PRPF8: variants seen among roughly 807,000 people sequenced by gnomAD.
The protein encoded by PRPF8 is pre-mRNA-processing-splicing factor 8.
A neutral mutation model predicts 285.9 loss-of-function variants in PRPF8; 64 were observed. The ratio of observed to expected loss-of-function variants is 0.22; its 90% confidence interval spans 0.18 to 0.28. The LOEUF is 0.28. Among genes scored for constraint, PRPF8 ranks in the 10% least tolerant of loss-of-function variants. The pLI is 1.00. For synonymous variants in PRPF8, 1,325 were observed against 1,118.2 expected (o/e 1.18, Z -3.69); for missense variants, 1,426 against 3,026.7 (o/e 0.47, Z 12.41).
intron 30 of PRPF8, 95 bp from the exon 31 acceptor site, chr17:1,660,096 C>T (rs1911598121): frequency 7.2e-7 from 1 of 1,384,612 alleles, no homozygotes; most frequent in East Asian, 2.3e-5. Context: ...GGAGTCTCAT[C>T]CTCAGAGCTT....
At chr17:1,680,579 T>C (rs928002930) in intron 8 of PRPF8, 147 bp downstream of exon 8, 13 of 766,612 alleles carry the variant, frequency 1.7e-5, no homozygotes, top group Non-Finnish European at 3.0e-5. Context: ...AAGCAAATGC[T>C]GAATTCTCAT....
At chr17:1,656,797 C>T (rs561708793) in intron 34 of PRPF8, 36 bp from the exon 35 acceptor site, 3 of 1,551,920 alleles carry the variant, frequency 1.9e-6, no homozygotes, top group South Asian at 2.3e-5. Flanking sequence ...GAAATTTAGT[C>T]TCTACCCTCC....
intron 24 of PRPF8, among the ~76,000 whole-genome samples, chr17:1,665,703 G>A (rs921152687): frequency 1.5e-4 from 23 of 151,672 alleles, no homozygotes; most frequent in African/African-American, 3.6e-4. Flanking sequence ...AAAATTAGCC[G>A]GGTGCGGTGG....
chr17:1,665,926 C>T (rs185211625), intron 24 of PRPF8, among the ~76,000 whole-genome samples: 2 of 151,158 alleles, frequency 1.3e-5, no homozygotes, highest in East Asian at 2.0e-4. Flanking sequence ...TTTGGGAGGC[C>T]GAGGCAAGCT....
At position 1,662,080 on chromosome 17, in the gene PRPF8, T is replaced by A. The variant is rs1348915026; in HGVS notation, c.3848A>T (p.Glu1283Val). 1 of 1,614,146 alleles carries A rather than the reference T, an allele frequency of 6.2e-7. No individual in the cohort carries two copies. Among genetic ancestry groups the A allele is most frequent in the Admixed American group, 1.7e-5 (1 of 60,006 alleles). Residue 1283 changes from glutamate to valine, a missense_variant, in exon 25 of 43, where the codon GAG becomes GTG. Coordinates refer to ENST00000304992, the MANE Select transcript of PRPF8 (RefSeq NM_006445.4). ...YFREAVVNTQ[E>V]LLDLLVKCEN... is the part of the protein sequence containing the mutation. ...ACACTTCACCAGTAAGTCCAAGAGC[T>A]CTTGGGTGTTCACCACAGCCTCCCG...
In PRPF8 at chr17:1,659,779, G is replaced by C. The variant is rs576511380; in HGVS notation, c.4946+62C>G. 19 of 1,581,268 alleles carry C rather than the reference G, an allele frequency of 1.2e-5. No individual in the cohort carries two copies. The South Asian group carries it at 2.1e-4, about 18-fold the overall frequency. ...ACAGGACAATTCCTAAAGTTGCAGG[G>C]CTAGAAGAACAGGAAAACGAAAGTG... On this transcript the variant is annotated intron_variant, in intron 31 of 42. Coordinates refer to ENST00000304992, the MANE Select transcript of PRPF8 (RefSeq NM_006445.4). The surrounding 1 kb of genome is among the most constrained non-coding windows in gnomAD (Gnocchi z 5.1).
Position 1,651,845 on chromosome 17 carries a change from G to C in PRPF8, c.6370-57C>G. On this transcript the variant is annotated intron_variant, in intron 39 of 42. Transcript: ENST00000304992. This position sits in a 1 kb window ranked among gnomAD's most constrained non-coding sequence, Gnocchi z 5.1. The stretch of plus-strand genomic sequence containing the variant: ...TTCTTAGTACCAGGTCAGAGTTGGA[G>C]CTGCCAGCCCTCTGTTTCCTTCCTT... 1 of 1,588,514 alleles carries C rather than the reference G, an allele frequency of 6.3e-7. No individual in the cohort carries two copies. Among genetic ancestry groups the C allele is most frequent in the South Asian group, 1.1e-5 (1 of 90,490 alleles).
intron 24 of PRPF8, among the ~76,000 whole-genome samples, chr17:1,663,634 G>A (rs1484314752): frequency 6.7e-6 from 1 of 149,338 alleles, no homozygotes; most frequent in African/African-American, 2.5e-5. Context: ...GCTTGAACTC[G>A]GGAGGCAGAG....
chr17:1,658,357 T>A lies in PRPF8; in HGVS notation c.5401A>T (p.Lys1801Ter). The A allele has an allele frequency of 6.2e-7, 1 of 1,614,156 alleles. No individual in the cohort carries two copies. Among genetic ancestry groups the A allele is most frequent in the East Asian group, 2.2e-5 (1 of 44,878 alleles). The change falls in exon 34 of 43, where the codon AAG (lysine) becomes TAG (stop). Residue 1801 changes from lysine (K) to a stop codon, truncating the protein, a stop_gained. Transcript: ENST00000304992. LOFTEE classifies it high-confidence loss of function. This position sits in a 1 kb window ranked among gnomAD's most constrained non-coding sequence, Gnocchi z 4.1. Reference sequence around the variant, plus strand: ...ATGAAGATGGCTCCGTTGATGGGCTTGGTTGTCAAGTTCCCTTCAAAGGTC... The same window carrying A: ...ATGAAGATGGCTCCGTTGATGGGCTAGGTTGTCAAGTTCCCTTCAAAGGTC... ...HKTFEGNLTTKPINGAIFIFN... is the reference protein window; with the variant it reads ...HKTFEGNLTT
chr17:1,669,567 T>G (rs546799383), intron 24 of PRPF8, among the ~76,000 whole-genome samples: 1 of 152,350 alleles, frequency 6.6e-6, no homozygotes, highest in Non-Finnish European at 1.5e-5. Flanking sequence ...TTGTCCTTGC[T>G]GTCTCCACTC....
At chr17:1,682,558 G>A (rs149443345) in intron 3 of PRPF8, among the ~76,000 whole-genome samples, 134 of 152,154 alleles carry the variant, frequency 8.8e-4, no homozygotes, top group African/African-American at 3.1e-3. Flanking sequence ...ACAGCTTTGC[G>A]GCTCTCTCAC....
rs765260770 is a variant in PRPF8 at position 1,682,086 on chromosome 17, C to T, written c.434+43G>A. The T allele has an allele frequency of 3.4e-6, 5 of 1,481,550 alleles. No individual in the cohort carries two copies. The East Asian group carries it at 9.0e-5, about 27-fold the overall frequency. 91.8% of individuals were successfully genotyped at this position (1,481,550 alleles called of 1,614,324 possible). On this transcript the variant is annotated intron_variant, in intron 4 of 42. Transcript: ENST00000304992. ...ACCATTTCTACCCACTGCCTCCCAA[C>T]CACCACCACCACCACCACCCACCAT... is the stretch of plus-strand genomic sequence containing the variant.
At chr17:1,655,154 C>T (rs1220990646) in intron 37 of PRPF8, among the ~76,000 whole-genome samples, 196 bp downstream of exon 37, 2 of 150,688 alleles carry the variant, frequency 1.3e-5, no homozygotes, top group African/African-American at 2.4e-5. Flanking sequence ...GACGGAGTTT[C>T]ACCACGTTGG....
chr17:1,659,783 G>C lies in PRPF8; in HGVS notation c.4946+58C>G. On this transcript the variant is annotated intron_variant, in intron 31 of 42. Coordinates refer to ENST00000304992, the MANE Select transcript of PRPF8 (RefSeq NM_006445.4). The surrounding 1 kb of genome is among the most constrained non-coding windows in gnomAD (Gnocchi z 5.1). ...GACAATTCCTAAAGTTGCAGGGCTAGAAGAACAGGAAAACGAAAGTGTCCT... is the reference window on the plus strand; with the variant it reads ...GACAATTCCTAAAGTTGCAGGGCTACAAGAACAGGAAAACGAAAGTGTCCT... 3 of 1,588,800 alleles carry C rather than the reference G, an allele frequency of 1.9e-6. No individual in the cohort carries two copies. The highest frequency in any genetic ancestry group is 2.2e-5 in the South Asian group (2 of 90,228).
At position 1,676,695 on chromosome 17, in the gene PRPF8, G is replaced by A. The variant is rs771458093; in HGVS notation, c.2198C>T (p.Thr733Met). ...TCGAAGGATCATATTCTCTATGGGC[G>A]TCGGCAGCCCAGGGACCTAAAAGTC... The part of the protein sequence containing the change: ...NIPWKVPGLP[T>M]PIENMILRYV... The change falls in exon 16 of 43, where the codon ACG (threonine) becomes ATG (methionine). Residue 733 changes from threonine to methionine, a missense_variant. This residue lies in a region of PRPF8 where 30 missense variants were observed against 61.0 expected (regional missense o/e 0.49). Transcript: ENST00000304992. The surrounding 1 kb of genome is among the most constrained non-coding windows in gnomAD (Gnocchi z 6.3). 1.2e-5 allele frequency: 19 copies of A among 1,613,930 alleles called. No individual in the cohort carries two copies. The highest frequency in any genetic ancestry group is 9.9e-5 in the South Asian group (9 of 91,090).
At chr17:1,681,395 G>A (rs1912914808) in intron 6 of PRPF8, 83 bp downstream of exon 6, 1 of 1,418,752 alleles carries the variant, frequency 7.0e-7, no homozygotes, top group Non-Finnish European at 1.0e-6. Context: ...AGACTAATTT[G>A]GAAGTTATAT....
chr17:1,674,452 T>C lies in PRPF8; in HGVS notation c.3289A>G (p.Ile1097Val). 6.2e-7 allele frequency: 1 copy of C among 1,613,926 alleles called. No individual in the cohort carries two copies. Among genetic ancestry groups the C allele is most frequent in the Non-Finnish European group, 8.5e-7 (1 of 1,179,948 alleles). Residue 1097 changes from isoleucine to valine, a missense_variant, in exon 21 of 43, where the codon ATT becomes GTT. Ile to Val is a conservative substitution (Grantham distance 29, BLOSUM62 3). Around this residue, in one of 34 missense-constraint regions of PRPF8, gnomAD observed 148 missense variants for 196.2 expected, o/e 0.75. Transcript: ENST00000304992. ...CAGGAAAGCCCTCACCTGAAAAAAATATGGATGCGATCAATGTATCTGCAG... is the reference window on the plus strand; with the variant it reads ...CAGGAAAGCCCTCACCTGAAAAAAACATGGATGCGATCAATGTATCTGCAG... ...LFCRYIDRIH[I>V]FFRFTADEAR...
chr17:1,667,441 G>C (rs1217530628), intron 24 of PRPF8, among the ~76,000 whole-genome samples: 3 of 151,882 alleles, frequency 2.0e-5, no homozygotes, highest in Non-Finnish European at 4.4e-5. Flanking sequence ...TATTTACTCA[G>C]GTCTACGTGT....
At position 1,673,906 on chromosome 17, in the gene PRPF8, G is replaced by A; in HGVS notation, c.3300-14C>T. ...TCTGCTGTGAACCTACACCAGACCAGGTACACTGCTGAGGCCCCAGTACAC... is the reference window on the plus strand; with the variant it reads ...TCTGCTGTGAACCTACACCAGACCAAGTACACTGCTGAGGCCCCAGTACAC... On this transcript the variant is annotated splice_polypyrimidine_tract_variant and intron_variant, in intron 21 of 42. Transcript: ENST00000304992. The surrounding 1 kb of genome is among the most constrained non-coding windows in gnomAD (Gnocchi z 5.5). The A allele has an allele frequency of 6.2e-7, 1 of 1,611,392 alleles. No homozygotes were observed. The highest frequency in any genetic ancestry group is 1.1e-5 in the South Asian group (1 of 91,066).
Sources: allele counts gnomAD v4.1 joint callset (sites outside exome capture counted in the v4.1 genomes callset), GRCh38; gene constraint gnomAD v4.1.1; regional missense constraint gnomAD v4.1.1; non-coding constraint Gnocchi (gnomAD v3.1); transcripts MANE v1.5; gene names NCBI Gene and HGNC (gene_info 2026-07-23, HGNC 2026-07-21).